The following MINK1 variants were observed in gnomAD, a reference collection of about 807,000 sequenced individuals.
The protein encoded by MINK1 is misshapen-like kinase 1.
Under a neutral mutation model 178.4 loss-of-function variants are expected in MINK1, and 46 were observed. That is an observed-to-expected ratio of 0.26 (90% confidence interval 0.20 to 0.33). MINK1 has a LOEUF of 0.33. Ranked by LOEUF, MINK1 falls within the 10% of genes least tolerant of loss-of-function variation. MINK1 has a pLI of 1.00. For synonymous variants in MINK1, 797 were observed against 709.7 expected (o/e 1.12, Z -1.96); for missense variants, 1,366 against 1,814.9 (o/e 0.75, Z 4.49).
Position 4,896,325 on chromosome 17 carries a change from A to G in MINK1, c.3598A>G (p.Ile1200Val). ...VDVDSGNSYD[I>V]YIPVHIQSQI... ...TGTCGACTCGGGGAACAGCTATGACATCTACATCCCTGTGCACGTGAGCTT... is the reference window on the plus strand; with the variant it reads ...TGTCGACTCGGGGAACAGCTATGACGTCTACATCCCTGTGCACGTGAGCTT... The change falls in exon 29 of 32, where the codon ATC (isoleucine) becomes GTC (valine). Residue 1200 changes from isoleucine (I) to valine (V), a missense_variant. Transcript: ENST00000355280. The surrounding 1 kb of genome is among the most constrained non-coding windows in gnomAD (Gnocchi z 4.6). 6.3e-7 allele frequency: 1 copy of G among 1,599,906 alleles called. No homozygotes were observed. Among genetic ancestry groups the G allele is most frequent in the Non-Finnish European group, 8.5e-7 (1 of 1,172,656 alleles).
At chr17:4,843,530 A>G (rs1427555438) in intron 1 of MINK1, among the ~76,000 whole-genome samples, 1 of 152,104 alleles carries the variant, frequency 6.6e-6, no homozygotes, top group Non-Finnish European at 1.5e-5. Context: ...GGTTGGTTCT[A>G]GTAAGTCCTT....
chr17:4,849,419 T>C (rs1911572229), intron 1 of MINK1, among the ~76,000 whole-genome samples: 1 of 152,184 alleles, frequency 6.6e-6, no homozygotes, highest in South Asian at 2.1e-4. Flanking sequence ...AGAGCTTTAT[T>C]GAAAGGCACA....
At position 4,848,430 on chromosome 17, in the gene MINK1, G is replaced by A. The variant is rs1238004284; in HGVS notation, c.57+14790G>A. The stretch of plus-strand genomic sequence containing the variant: ...GGCTGGAGTGCAGTGGCGTGATCTC[G>A]GCTCACTGCAAACTCCGCCTGCCAG... On this transcript the variant is annotated intron_variant, in intron 1 of 31. Transcript: ENST00000355280. 7.2e-5 allele frequency among the ~76,000 whole-genome samples: 11 copies of A among 152,284 alleles called. No homozygotes were observed. The East Asian group carries it at 1.7e-3, about 24-fold the overall frequency.
rs145272822 is a variant in MINK1 at position 4,894,780 on chromosome 17, G to A, written c.2917+147G>A. 1.1e-3 allele frequency: 744 copies of A among 680,984 alleles called. 4 individuals carry two copies. The African/African-American group carries it at 0.012, about 11-fold the overall frequency. The allele number at this position is 680,984 out of a possible 1,614,324, so 42.2% of individuals were successfully genotyped here. On this transcript the variant is annotated intron_variant, in intron 24 of 31. Transcript: ENST00000355280. This position sits in a 1 kb window ranked among gnomAD's most constrained non-coding sequence, Gnocchi z 4.1. ...AGCACCTGCCTGGGCACAGAGGCAA[G>A]GAAGAGCCTCTGAGACCCCTCCTTC...
intron 1 of MINK1, among the ~76,000 whole-genome samples, chr17:4,867,146 T>G (rs78852590): frequency 6.5e-5 from 8 of 122,162 alleles, no homozygotes; most frequent in Non-Finnish European, 9.1e-5. Flanking sequence ...CTGTTTTTTT[T>G]TTTTTTTTTT....
Position 4,896,675 on chromosome 17 carries a change from C to T in MINK1, c.3777C>T (p.Ala1259=). 1.2e-6 allele frequency: 2 copies of T among 1,601,834 alleles called. No homozygotes were observed. Among genetic ancestry groups the T allele is most frequent in the Non-Finnish European group, 1.7e-6 (2 of 1,172,728 alleles). ...LQWGEMPTSV[A]YICSNQIMGW... Reference sequence around the variant, plus strand: ...CAGCCCCTCACCTGTTCCCCACAGCCTACATCTGCTCCAACCAGATAATGG... The same window carrying T: ...CAGCCCCTCACCTGTTCCCCACAGCTTACATCTGCTCCAACCAGATAATGG... Residue 1259 remains alanine (A), a splice_region_variant and synonymous_variant, in exon 31 of 32, where the codon GCC becomes GCT. Transcript: ENST00000355280. The surrounding 1 kb of genome is among the most constrained non-coding windows in gnomAD (Gnocchi z 4.6).
Position 4,884,472 on chromosome 17 carries a change from G to A in MINK1, c.416G>A (p.Arg139Lys). The A allele has an allele frequency of 6.2e-7, 1 of 1,611,816 alleles. No homozygotes were observed. The highest frequency in any genetic ancestry group is 8.5e-7 in the Non-Finnish European group (1 of 1,178,112). The change falls in exon 5 of 32, where the codon AGG (arginine) becomes AAG (lysine). Residue 139 changes from arginine to lysine, a missense_variant and splice_region_variant. Around this residue, in one of 14 missense-constraint regions of MINK1, gnomAD observed 109 missense variants for 369.4 expected, o/e 0.30. Coordinates refer to ENST00000355280, the MANE Select transcript of MINK1 (RefSeq NM_153827.5). ...CIAYICREILRGLAHLHAHKV... is the reference protein window; with the variant it reads ...CIAYICREILKGLAHLHAHKV... ...GCCTATATCTGCAGGGAGATCCTCA[G>A]GGTGAGCTCAAGGCCCCTCCCCTTG...
Position 4,897,342 on chromosome 17 carries a change from A to G in MINK1, c.*55A>G. The stretch of plus-strand genomic sequence containing the variant: ...TGGACCCAGCTCTCCCCCTGCAGCC[A>G]GGCTTCCCGGGCCGCCCCTCTTTCC... On this transcript the variant is annotated 3_prime_UTR_variant, in exon 32 of 32. Coordinates refer to ENST00000355280, the MANE Select transcript of MINK1 (RefSeq NM_153827.5). 2 of 1,547,608 alleles carry G rather than the reference A, an allele frequency of 1.3e-6. No individual in the cohort carries two copies. The highest frequency in any genetic ancestry group is 1.8e-6 in the Non-Finnish European group (2 of 1,123,888).
chr17:4,885,732 C>T lies in MINK1; in HGVS notation c.639+119C>T. The T allele has an allele frequency of 6.8e-7, 1 of 1,460,456 alleles. No homozygotes were observed. The highest frequency in any genetic ancestry group is 9.4e-7 in the Non-Finnish European group (1 of 1,069,440). 90.5% of individuals were successfully genotyped at this position (1,460,456 alleles called of 1,614,324 possible). On this transcript the variant is annotated intron_variant, in intron 7 of 31. Transcript: ENST00000355280. This position sits in a 1 kb window ranked among gnomAD's most constrained non-coding sequence, Gnocchi z 5.0. ...GTCAGATGATGTTAGCAGTGAGGGG[C>T]TGGGGAACATCTTACGGCAAGGCAA...
intron 1 of MINK1, among the ~76,000 whole-genome samples, chr17:4,834,568 A>G (rs995373690): frequency 6.6e-6 from 1 of 152,198 alleles, no homozygotes; most frequent in Non-Finnish European, 1.5e-5. Flanking sequence ...ATACCCGTTC[A>G]TTGTCCCTTG....
chr17:4,849,820 G>A (rs890262082), intron 1 of MINK1, among the ~76,000 whole-genome samples: 16 of 152,228 alleles, frequency 1.1e-4, no homozygotes, highest in Admixed American at 9.2e-4. Flanking sequence ...TGGTCCGCCC[G>A]CCTCGGCCTC....
In MINK1 at chr17:4,887,800, C is replaced by G; in HGVS notation, c.1230+10C>G. The G allele has an allele frequency of 6.7e-7, 1 of 1,494,552 alleles. No individual in the cohort carries two copies. Among genetic ancestry groups the G allele is most frequent in the Non-Finnish European group, 8.9e-7 (1 of 1,120,290 alleles). 92.6% of individuals were successfully genotyped at this position (1,494,552 alleles called of 1,614,324 possible). On this transcript the variant is annotated intron_variant, in intron 12 of 31. Transcript: ENST00000355280. The surrounding 1 kb of genome is among the most constrained non-coding windows in gnomAD (Gnocchi z 7.6). ...GCGCCGCGTGGAGGAGGTGGGCTGT[C>G]TCCGAAGGGCCCAGGCCTGGCGCGG... is the stretch of plus-strand genomic sequence containing the variant.
intron 1 of MINK1, chr17:4,859,381 C>A: frequency 2.3e-6 from 2 of 857,598 alleles, no homozygotes; most frequent in Non-Finnish European, 2.8e-6. Context: ...TCCTCACAAT[C>A]TTACTCTTTA....
chr17:4,884,019 C>T (rs946143434), intron 4 of MINK1, among the ~76,000 whole-genome samples: 3 of 150,838 alleles, frequency 2.0e-5, no homozygotes, highest in Non-Finnish European at 4.4e-5. Context: ...CATCTGTATT[C>T]CTTCTCCTCT....
chr17:4,895,509 G>T lies in MINK1; in HGVS notation c.3229+16G>T, dbSNP rs201680133. 2,227 of 1,561,142 alleles carry T rather than the reference G, an allele frequency of 1.4e-3. 4 individuals carry two copies. The highest frequency in any genetic ancestry group is 1.4e-3 in the Non-Finnish European group (1,560 of 1,149,732). On this transcript the variant is annotated intron_variant, in intron 26 of 31. Transcript: ENST00000355280. The surrounding 1 kb of genome is among the most constrained non-coding windows in gnomAD (Gnocchi z 4.3). ...ACCATCTCAGGTACAGGTGTGGTGA[G>T]TGGGGGAGGGAGGAGGGGCTCAGCT...
intron 1 of MINK1, among the ~76,000 whole-genome samples, chr17:4,865,407 C>G (rs1307427384): frequency 1.3e-5 from 2 of 151,818 alleles, no homozygotes; most frequent in African/African-American, 2.4e-5. Context: ...GCACTCCAGC[C>G]TGGGCAACAG....
intron 1 of MINK1, among the ~76,000 whole-genome samples, chr17:4,851,590 C>T (rs887403500): frequency 6.6e-6 from 1 of 152,164 alleles, no homozygotes. Context: ...CTCTTTTCTC[C>T]TCCGAGAAGC....
chr17:4,878,296 T>C, intron 1 of MINK1, 21 bp from the exon 2 acceptor site: 8 of 1,535,180 alleles, frequency 5.2e-6, no homozygotes, highest in Non-Finnish European at 7.0e-6. Flanking sequence ...GACACAGTAT[T>C]CTTCTGTCTC....
At position 4,896,255 on chromosome 17, in the gene MINK1, G is replaced by C. The variant is rs760170527; in HGVS notation, c.3528G>C (p.Arg1176=). ...ACCTGACAGTAGAGGAGGGGCAGCG[G>C]CTCAAGGTCATCTATGGCTCCAGTG... ...LVDLTVEEGQ[R]LKVIYGSSAG... is the part of the protein sequence containing the mutation. The change falls in exon 29 of 32, where the codon CGG becomes CGC. Residue 1176 remains arginine (R), a synonymous_variant. Coordinates refer to ENST00000355280, the MANE Select transcript of MINK1 (RefSeq NM_153827.5). This position sits in a 1 kb window ranked among gnomAD's most constrained non-coding sequence, Gnocchi z 4.6. The C allele has an allele frequency of 1.2e-6, 2 of 1,607,192 alleles. No individual in the cohort carries two copies. The highest frequency in any genetic ancestry group is 2.7e-5 in the African/African-American group (2 of 74,782).
Sources: allele counts gnomAD v4.1 joint callset (sites outside exome capture counted in the v4.1 genomes callset), GRCh38; gene constraint gnomAD v4.1.1; regional missense constraint gnomAD v4.1.1; non-coding constraint Gnocchi (gnomAD v3.1); transcripts MANE v1.5; gene names NCBI Gene and HGNC (gene_info 2026-07-23, HGNC 2026-07-21).